Variants in SYNE2 observed in about 807,000 individuals in gnomAD.
The protein encoded by SYNE2 is spectrin repeat containing nuclear envelope protein 2.
SYNE2 carries 431 observed loss-of-function variants against 856.3 expected under a neutral mutation model. The observed-to-expected ratio is 0.50, with a 90% CI of 0.47 to 0.55. The LOEUF (loss-of-function observed/expected upper bound fraction) is 0.55. Among genes scored for constraint, SYNE2 ranks in the 20% least tolerant of loss-of-function variants. The pLI is 0.00. For missense variants in SYNE2, 8,129 were observed against 8,023.2 expected (o/e 1.01, Z -0.50); for synonymous variants, 2,923 against 2,872.3 (o/e 1.02, Z -0.56).
intron 2 of SYNE2, among the ~76,000 whole-genome samples, chr14:63,932,109 G>T (rs558813174): frequency 6.6e-6 from 1 of 152,296 alleles, no homozygotes; most frequent in South Asian, 2.1e-4. Context: ...AGTTGCAGTG[G>T]CACACACCTG....
At position 63,774,787 on chromosome 14, in the gene SYNE2, C is replaced by G. The variant is rs1271056901; in HGVS notation, c.-305+12801C>G. On this transcript the variant is annotated intron_variant, in intron 1 of 23. Transcript: ENST00000674003. ...TAATAATTGTCTTCATATGCTATAA[C>G]AAAATGCCATAAATTGCATGGCTTA... Among the ~76,000 whole-genome samples the G allele has an allele frequency of 2.6e-5, 4 of 151,888 alleles. No individual in the cohort carries two copies. The East Asian group carries it at 7.7e-4, about 29-fold the overall frequency.
intron 34 of SYNE2, among the ~76,000 whole-genome samples, chr14:64,019,390 C>T (rs1222942863): frequency 6.6e-6 from 1 of 151,812 alleles, no homozygotes; most frequent in East Asian, 1.9e-4. Context: ...CGTTTTGTCT[C>T]TAACTATTTT....
chr14:64,020,550 T>C (rs1363003862), intron 35 of SYNE2, among the ~76,000 whole-genome samples: 1 of 152,232 alleles, frequency 6.6e-6, no homozygotes, highest in Non-Finnish European at 1.5e-5. Context: ...TGATATTATA[T>C]TTTTGTAGTC....
At chr14:64,152,136 A>G (rs986307748) in intron 84 of SYNE2, among the ~76,000 whole-genome samples, 2 of 152,244 alleles carry the variant, frequency 1.3e-5, no homozygotes, top group African/African-American at 2.4e-5. Context: ...TGTCATTTAT[A>G]TGATGCTATA....
chr14:64,021,224 A>G (rs145566142), intron 35 of SYNE2, 91 bp from the exon 36 acceptor site: 6 of 959,660 alleles, frequency 6.3e-6, no homozygotes, highest in Non-Finnish European at 1.0e-5. Flanking sequence ...ATTGAAATGA[A>G]GTAATCTCAA....
intron 52 of SYNE2, 119 bp from the exon 53 acceptor site, chr14:64,073,849 A>G (rs1372061617): frequency 1.2e-5 from 13 of 1,124,814 alleles, no homozygotes; most frequent in Non-Finnish European, 1.7e-5. Flanking sequence ...TTCTTAGAGG[A>G]AATAACCATC....
rs1427803429 is a variant in SYNE2 at position 64,070,900 on chromosome 14, C to T, written c.10687C>T (p.Arg3563Ter). The T allele has an allele frequency of 3.1e-6, 5 of 1,614,058 alleles. No individual in the cohort carries two copies. Among genetic ancestry groups the T allele is most frequent in the South Asian group, 1.1e-5 (1 of 91,078 alleles). The change falls in exon 52 of 116, where the codon CGA (arginine) becomes TGA (stop). Residue 3563 changes from arginine (R) to a stop codon, truncating the protein, a stop_gained. Transcript: ENST00000555002. LOFTEE classifies it high-confidence loss of function. ...TCAAGAAATTACTTCTATGAAAGAA[C>T]GATGCAACAAGTAAGATTTATGAAA... ...AFQEITSMKE[R>*]CNKLLQKVQK...
chr14:64,012,508 G>A (rs887066188), intron 32 of SYNE2, among the ~76,000 whole-genome samples: 1 of 152,120 alleles, frequency 6.6e-6, no homozygotes, highest in Non-Finnish European at 1.5e-5. Flanking sequence ...TATTTGAAGT[G>A]TGTATATAGT....
intron 1 of SYNE2, among the ~76,000 whole-genome samples, chr14:63,831,932 A>T (rs978593799): frequency 2.6e-5 from 4 of 151,760 alleles, no homozygotes; most frequent in African/African-American, 9.7e-5. Flanking sequence ...TAGAAAACAT[A>T]TTTTTTTTAA....
At chr14:63,849,265 CTTTTTTT>C (rs35001530), upstream of SYNE2, among the ~76,000 whole-genome samples, 15 of 127,128 alleles carry the variant, frequency 1.2e-4, no homozygotes, top group East Asian at 6.8e-4. Context: ...AGTTAATCTC[CTTTTTTT>C]TTTTTTTTTT....
rs199940876 is a variant in SYNE2, at chr14:64,136,390, AT to A, written c.14647-1388del. 2.0e-3 allele frequency among the ~76,000 whole-genome samples: 297 copies of A among 146,714 alleles called. 1 individual carries two copies. The highest frequency in any genetic ancestry group is 7.1e-3 in the African/African-American group (283 of 39,720). On this transcript the variant is annotated intron_variant, in intron 78 of 115. Coordinates refer to ENST00000555002, the MANE Select transcript of SYNE2 (RefSeq NM_182914.3). Reference sequence around the variant, plus strand: ...GCACTTCACTTAGAAAATTAGACTGATTTTTTTTTCTTTTAATACAGATGCT... The same window carrying A: ...GCACTTCACTTAGAAAATTAGACTGATTTTTTTTCTTTTAATACAGATGCT...
intron 1 of SYNE2, among the ~76,000 whole-genome samples, chr14:63,807,059 C>T (rs1290998171): frequency 6.6e-6 from 1 of 152,024 alleles, no homozygotes; most frequent in Non-Finnish European, 1.5e-5. Flanking sequence ...CACAGTGGCT[C>T]ATGCCTGTAA....
chr14:64,057,233 T>A (rs2097278681), intron 49 of SYNE2, among the ~76,000 whole-genome samples: 1 of 152,114 alleles, frequency 6.6e-6, no homozygotes, highest in African/African-American at 2.4e-5. Context: ...TTCTTTCTAT[T>A]ATTTTGTACC....
chr14:64,138,023 G>A (rs1258335867), intron 79 of SYNE2, 40 bp downstream of exon 79: 2 of 1,591,302 alleles, frequency 1.3e-6, no homozygotes. Flanking sequence ...ATATTGTGCT[G>A]TGAAGAAAGA....
chr14:64,070,813 C>A lies in SYNE2; in HGVS notation c.10600C>A (p.Arg3534Ser), dbSNP rs368669161. The A allele has an allele frequency of 2.5e-6, 4 of 1,614,156 alleles. No homozygotes were observed. In the South Asian group the frequency reaches 4.4e-5, roughly 18 times the overall value. Residue 3534 changes from arginine to serine, a missense_variant, in exon 52 of 116, where the codon CGC (arginine) becomes AGC (serine). Physicochemically the swap from Arg to Ser is moderately radical, Grantham distance 110 (BLOSUM62 -1). This residue lies in a region of SYNE2 where 5,410 missense variants were observed against 5,284.8 expected (regional missense o/e 1.02). Coordinates refer to ENST00000555002, the MANE Select transcript of SYNE2 (RefSeq NM_182914.3). ...GCTGTTACTGACTCTACTTCTTCAG[C>A]GCATCAGAAGTATCCAGAATGTTCC... ...QQLLLTLLLQ[R>S]IRSIQNVPES...
chr14:63,902,332 A>AC lies in SYNE2; in HGVS notation c.-51-6763dup, dbSNP rs1481878391. Among the ~76,000 whole-genome samples, 5 of 144,328 alleles carry AC rather than the reference A, an allele frequency of 3.5e-5. No homozygotes were observed. The Admixed American group carries it at 3.7e-4, about 11-fold the overall frequency. 94.7% of individuals were successfully genotyped at this position (144,328 alleles called of 152,430 possible). On this transcript the variant is annotated intron_variant, in intron 1 of 115. Transcript: ENST00000555002. ...AGGCTGAGGCACAAGAATCACTGGA[A>AC]CCCGGGAAGCAGAGGTTGCAGTGAG...
chr14:63,977,847 C>G (rs550022343), intron 12 of SYNE2, 58 bp from the exon 13 acceptor site: 5 of 1,190,194 alleles, frequency 4.2e-6, no homozygotes, highest in Non-Finnish European at 5.0e-6. Context: ...ATTGACAAAC[C>G]CTTAATTACA....
chr14:64,192,932 A>C (rs2098524882), intron 99 of SYNE2, among the ~76,000 whole-genome samples: 1 of 152,228 alleles, frequency 6.6e-6, no homozygotes, highest in Admixed American at 6.5e-5. Context: ...GCTAGAATCT[A>C]AGAAGCTCTT....
At position 64,090,915 on chromosome 14, in the gene SYNE2, T is replaced by C. The variant is rs372848864; in HGVS notation, c.11843T>C (p.Val3948Ala). The change falls in exon 60 of 116, where the codon GTG (valine) becomes GCG (alanine). Residue 3948 changes from valine (V) to alanine (A), a missense_variant. Physicochemically the swap from Val to Ala is moderately conservative, Grantham distance 64. Coordinates refer to ENST00000555002, the MANE Select transcript of SYNE2 (RefSeq NM_182914.3). ...RPMKKTIAEIVSYQVELRLPQ... is the reference protein window; with the variant it reads ...RPMKKTIAEIASYQVELRLPQ... ...ATGAAGAAAACCATTGCTGAGATAG[T>C]GTCTTACCAAGTGGAACTGAGGTTG... 193 of 1,614,066 alleles carry C rather than the reference T, an allele frequency of 1.2e-4. No homozygotes were observed. Among genetic ancestry groups the C allele is most frequent in the Non-Finnish European group, 1.6e-4 (183 of 1,180,020 alleles).
Sources: gnomAD v4.1 joint callset for allele counts (sites outside exome capture counted in the v4.1 genomes callset) on GRCh38, gnomAD v4.1.1 for gene constraint, gnomAD v4.1.1 regional missense constraint, MANE v1.5 for transcripts, NCBI Gene and HGNC (gene_info 2026-07-23, HGNC 2026-07-21) for gene names.